SPHKAP: variants seen among roughly 807,000 people sequenced by gnomAD.
The protein encoded by SPHKAP is A-kinase anchor protein SPHKAP.
In SPHKAP, 67 loss-of-function variants were observed where a neutral mutation model predicts 137.5. The ratio of observed to expected loss-of-function variants is 0.49; its 90% CI spans 0.40 to 0.60. SPHKAP has a LOEUF of 0.60. Among genes scored for constraint, SPHKAP ranks in the 20% least tolerant of loss-of-function variants. SPHKAP has a pLI of 0.00. For synonymous variants in SPHKAP, 813 were observed against 785.3 expected (o/e 1.04, Z -0.59); for missense variants, 2,097 against 2,069.3 (o/e 1.01, Z -0.26).
intron 7 of SPHKAP, among the ~76,000 whole-genome samples, chr2:228,005,737 C>T (rs1277789158): frequency 2.6e-5 from 4 of 152,138 alleles, no homozygotes; most frequent in Non-Finnish European, 5.9e-5. Context: ...TCTTGTAGGG[C>T]AGGCCTGGTG....
At chr2:228,131,330 A>G in intron 2 of SPHKAP, 2 of 984,840 alleles carry the variant, frequency 2.0e-6, no homozygotes, top group South Asian at 9.4e-5. Flanking sequence ...ATTCAGCAGC[A>G]AACAGTGACA....
chr2:228,146,258 C>T (rs767601049), intron 1 of SPHKAP, among the ~76,000 whole-genome samples: 1 of 152,086 alleles, frequency 6.6e-6, no homozygotes, highest in Non-Finnish European at 1.5e-5. Flanking sequence ...ATTGACACAT[C>T]GTAATCACCC....
At chr2:228,013,314 C>T (rs183216640) in intron 7 of SPHKAP, among the ~76,000 whole-genome samples, 2 of 152,138 alleles carry the variant, frequency 1.3e-5, no homozygotes, top group African/African-American at 2.4e-5. Flanking sequence ...TGCAGAGGCA[C>T]GATCTCGGCT....
intron 3 of SPHKAP, among the ~76,000 whole-genome samples, chr2:228,074,926 C>A (rs890088011): frequency 1.3e-5 from 2 of 152,018 alleles, no homozygotes; most frequent in Middle Eastern, 3.4e-3. Context: ...CAAGTCTCAA[C>A]ACAGCATGAG....
rs187111667 is a variant in SPHKAP, at chr2:228,152,576, C to T, written c.33-20491G>A. Among the ~76,000 whole-genome samples the T allele has an allele frequency of 2.0e-5, 3 of 151,978 alleles. No individual in the cohort carries two copies. The East Asian group carries it at 5.8e-4, about 29-fold the overall frequency. On this transcript the variant is annotated intron_variant, in intron 1 of 11. Transcript: ENST00000392056. The stretch of plus-strand genomic sequence containing the variant: ...TGTATTTTATTTGCAGCATTTAGTT[C>T]ATTTACTGTTAATGTAACTGCTGAT...
chr2:227,990,737 A>G (rs1693381504), intron 11 of SPHKAP, among the ~76,000 whole-genome samples: 4 of 152,208 alleles, frequency 2.6e-5, no homozygotes, highest in Admixed American at 2.6e-4. Context: ...CAAAAAAATA[A>G]CAGACTCTAA....
At chr2:228,163,450 A>C (rs1216954862) in intron 1 of SPHKAP, among the ~76,000 whole-genome samples, 12 of 152,200 alleles carry the variant, frequency 7.9e-5, no homozygotes, top group Non-Finnish European at 5.9e-5. Flanking sequence ...CAAGATGCAG[A>C]CTAAGGTACT....
chr2:228,027,382 C>CGA, intron 4 of SPHKAP, 102 bp downstream of exon 4: 1 of 1,204,368 alleles, frequency 8.3e-7, no homozygotes, highest in African/African-American at 1.5e-5. Context: ...ATGAAACTAT[C>CGA]TAACTAAAGA....
At chr2:228,015,434 C>T (rs1391688960) in intron 7 of SPHKAP, among the ~76,000 whole-genome samples, 1 of 151,964 alleles carries the variant, frequency 6.6e-6, no homozygotes, top group Non-Finnish European at 1.5e-5. Context: ...TGGGTATATA[C>T]CCAGTAATGG....
chr2:228,079,295 G>C (rs987850545), intron 3 of SPHKAP, among the ~76,000 whole-genome samples: 5 of 152,210 alleles, frequency 3.3e-5, no homozygotes, highest in African/African-American at 1.2e-4. Context: ...AGGCGATAAT[G>C]CTTGCTTGCC....
intron 3 of SPHKAP, among the ~76,000 whole-genome samples, chr2:228,065,659 T>C (rs1696800305): frequency 6.6e-6 from 1 of 152,232 alleles, no homozygotes. Flanking sequence ...GATTTAAGGC[T>C]ACTACTGCTG....
chr2:228,000,713 G>T (rs1295792780), intron 7 of SPHKAP, among the ~76,000 whole-genome samples: 1 of 152,070 alleles, frequency 6.6e-6, no homozygotes, highest in African/African-American at 2.4e-5. Flanking sequence ...ATCTTTTCAT[G>T]GCTTGACAGT....
chr2:228,081,583 G>A (rs1697366279), intron 3 of SPHKAP, among the ~76,000 whole-genome samples: 1 of 152,132 alleles, frequency 6.6e-6, no homozygotes, highest in South Asian at 2.1e-4. Flanking sequence ...AGAAAATGTG[G>A]TATGTATACT....
At chr2:228,001,832 T>C (rs933464694) in intron 7 of SPHKAP, among the ~76,000 whole-genome samples, 4 of 152,106 alleles carry the variant, frequency 2.6e-5, no homozygotes, top group Non-Finnish European at 5.9e-5. Context: ...TGGTTTTTTT[T>C]CCTTGCAATA....
intron 3 of SPHKAP, among the ~76,000 whole-genome samples, chr2:228,034,127 C>A (rs6744401): frequency 1.3e-5 from 2 of 151,688 alleles, no homozygotes; most frequent in Non-Finnish European, 2.9e-5. Flanking sequence ...ATTGATAGAC[C>A]GCTAGCAAGA....
intron 3 of SPHKAP, among the ~76,000 whole-genome samples, chr2:228,051,566 C>A (rs772493202): frequency 8.5e-5 from 13 of 152,160 alleles, no homozygotes; most frequent in Non-Finnish European, 1.8e-4. Context: ...CCAGAAACGC[C>A]TGCCTAGCCT....
intron 1 of SPHKAP, among the ~76,000 whole-genome samples, chr2:228,146,888 T>C (rs145878580): frequency 6.6e-6 from 1 of 152,352 alleles, no homozygotes; most frequent in Non-Finnish European, 1.5e-5. Context: ...AAGAATTGGA[T>C]ATTTTCTTCC....
At chr2:228,029,095 A>T (rs917615373) in intron 3 of SPHKAP, among the ~76,000 whole-genome samples, 2 of 152,220 alleles carry the variant, frequency 1.3e-5, no homozygotes, top group Admixed American at 1.3e-4. Context: ...GCCTAGAGGA[A>T]GGGAAGTGTT....
At chr2:228,122,137 A>T (rs1698927370) in intron 2 of SPHKAP, among the ~76,000 whole-genome samples, 1 of 152,134 alleles carries the variant, frequency 6.6e-6, no homozygotes, top group Admixed American at 6.6e-5. Flanking sequence ...TTCTGGACAG[A>T]TATATTTAAT....
Sources: allele counts gnomAD v4.1 joint callset (sites outside exome capture counted in the v4.1 genomes callset), GRCh38; gene constraint gnomAD v4.1.1; transcripts MANE v1.5; gene names NCBI Gene and HGNC (gene_info 2026-07-23, HGNC 2026-07-21).